Variants in SLC45A1 observed in about 807,000 individuals in gnomAD.
The protein encoded by SLC45A1 is proton-associated sugar transporter A.
In SLC45A1, 28 loss-of-function variants were observed where a neutral mutation model predicts 57.6. The observed-to-expected ratio is 0.49, with a 90% CI of 0.36 to 0.67. SLC45A1 has a LOEUF of 0.67. Ranked by LOEUF, SLC45A1 falls within the 30% of genes least tolerant of loss-of-function variation. SLC45A1 has a pLI of 0.00. For missense variants in SLC45A1, 814 were observed against 1,041.5 expected (o/e 0.78, Z 3.01); for synonymous variants, 459 against 471.5 (o/e 0.97, Z 0.34).
Position 8,326,536 on chromosome 1 carries a change from C to T in SLC45A1, c.715+494C>T, listed in dbSNP as rs72864248. Among the ~76,000 whole-genome samples the T allele has an allele frequency of 0.022, 3,293 of 152,270 alleles. 123 individuals are homozygous for T. The highest frequency in any genetic ancestry group is 0.076 in the African/African-American group (3,142 of 41,518). On this transcript the variant is annotated intron_variant, in intron 4 of 8. Coordinates refer to ENST00000471889, the MANE Select transcript of SLC45A1 (RefSeq NM_001080397.3). This position sits in a 1 kb window ranked among gnomAD's most constrained non-coding sequence, Gnocchi z 5.5. ...CGCTGCAACTCAAGCCTGAACGAAG[C>T]GTCACTGTCGCATGCATTTTCTGCA...
At chr1:8,337,051 G>A (rs1212342212) in intron 6 of SLC45A1, among the ~76,000 whole-genome samples, 1 of 152,174 alleles carries the variant, frequency 6.6e-6, no homozygotes, top group African/African-American at 2.4e-5. Context: ...CTGTTCTCAC[G>A]CTGCTAATAA....
intron 1 of SLC45A1, among the ~76,000 whole-genome samples, chr1:8,319,423 A>G (rs564879393): frequency 1.3e-5 from 2 of 152,332 alleles, no homozygotes; most frequent in African/African-American, 4.8e-5. Context: ...TTCAAACTAC[A>G]TTGACATTGA....
rs755290825 is a variant in SLC45A1 at position 8,339,475 on chromosome 1, C to T, written c.1775-18C>T. The stretch of plus-strand genomic sequence containing the variant: ...GCTCTGGCCGTGTGGCACTGCTCAC[C>T]CTCTCTGTGGCCCGCAGCTATCCTG... On this transcript the variant is annotated intron_variant, in intron 7 of 8. Coordinates refer to ENST00000471889, the MANE Select transcript of SLC45A1 (RefSeq NM_001080397.3). 7 of 1,613,622 alleles carry T rather than the reference C, an allele frequency of 4.3e-6. No individual in the cohort carries two copies. The highest frequency in any genetic ancestry group is 1.3e-5 in the African/African-American group (1 of 74,902).
intron 1 of SLC45A1, among the ~76,000 whole-genome samples, chr1:8,320,732 C>CA (rs1553149637): frequency 1.4e-4 from 19 of 131,916 alleles, no homozygotes; most frequent in African/African-American, 5.4e-4. Flanking sequence ...CACACACACA[C>CA]ACCTGCCATA....
intron 8 of SLC45A1, among the ~76,000 whole-genome samples, chr1:8,340,901 T>C (rs1041240682): frequency 6.6e-6 from 1 of 151,822 alleles, no homozygotes; most frequent in Admixed American, 6.6e-5. Flanking sequence ...AAATTAAGAG[T>C]AAGAGAGGGG....
Position 8,330,057 on chromosome 1 carries a change from G to C in SLC45A1, c.716-152G>C. 1.0e-6 allele frequency: 1 copy of C among 965,382 alleles called. No homozygotes were observed. The highest frequency in any genetic ancestry group is 1.5e-6 in the Non-Finnish European group (1 of 648,596). The allele number at this position is 965,382 out of a possible 1,614,324, so 59.8% of individuals were successfully genotyped here. A position where few individuals can be genotyped will look rare whatever the true frequency, so the allele number is the denominator to read the frequency against. Reference sequence around the variant, plus strand: ...TCAAGGGGCCCGCCCTGGGAATCCTGTCCCATTTTGTTGGGGTTTAGGTGG... The same window carrying C: ...TCAAGGGGCCCGCCCTGGGAATCCTCTCCCATTTTGTTGGGGTTTAGGTGG... On this transcript the variant is annotated intron_variant, in intron 4 of 8. Transcript: ENST00000471889. The surrounding 1 kb of genome is among the most constrained non-coding windows in gnomAD (Gnocchi z 8.4).
chr1:8,339,580 C>G lies in SLC45A1; in HGVS notation c.1862C>G (p.Ala621Gly), dbSNP rs1346538305. 6.2e-7 allele frequency: 1 copy of G among 1,614,120 alleles called. No homozygotes were observed. Among genetic ancestry groups the G allele is most frequent in the Non-Finnish European group, 8.5e-7 (1 of 1,180,036 alleles). The change falls in exon 8 of 9, where the codon GCC (alanine) becomes GGC (glycine). Residue 621 changes from alanine (A) to glycine (G), a missense_variant. Coordinates refer to ENST00000471889, the MANE Select transcript of SLC45A1 (RefSeq NM_001080397.3). The stretch of plus-strand genomic sequence containing the variant: ...GCCTTCGGCCTGGGGACCGGGCTTG[C>G]CACCCTCTCCAGGAACCTCTACGTG... Reference protein sequence around the residue: ...YLAFGLGTGLATLSRNLYVVL... With the variant: ...YLAFGLGTGLGTLSRNLYVVL...
intron 5 of SLC45A1, among the ~76,000 whole-genome samples, chr1:8,333,918 C>T (rs972262707): frequency 1.3e-5 from 2 of 152,210 alleles, no homozygotes; most frequent in Non-Finnish European, 2.9e-5. Flanking sequence ...AGCGAGCTCC[C>T]GTCTGGAAAG....
Position 8,343,811 on chromosome 1 carries a change from G to A in SLC45A1, c.2045G>A (p.Cys682Tyr). 6.2e-7 allele frequency: 1 copy of A among 1,614,170 alleles called. No individual in the cohort carries two copies. Among genetic ancestry groups the A allele is most frequent in the Non-Finnish European group, 8.5e-7 (1 of 1,180,024 alleles). Residue 682 changes from cysteine (C) to tyrosine (Y), a missense_variant, in exon 9 of 9, where the codon TGC becomes TAC. Coordinates refer to ENST00000471889, the MANE Select transcript of SLC45A1 (RefSeq NM_001080397.3). The surrounding 1 kb of genome is among the most constrained non-coding windows in gnomAD (Gnocchi z 7.7). The stretch of plus-strand genomic sequence containing the variant: ...GGCGTGGACATCTCTCTGCTGAGCT[G>A]CCAGTACTTCCTGGCTCAGATTCTG... ...GMGVDISLLS[C>Y]QYFLAQILVS...
chr1:8,329,861 G>T (rs1640326468), intron 4 of SLC45A1, among the ~76,000 whole-genome samples: 1 of 152,190 alleles, frequency 6.6e-6, no homozygotes, highest in African/African-American at 2.4e-5. Flanking sequence ...GGCCCTCGGA[G>T]GGAGGATGTG....
chr1:8,330,401 T>C lies in SLC45A1; in HGVS notation c.908T>C (p.Met303Thr), dbSNP rs1329804546. The stretch of plus-strand genomic sequence containing the variant: ...CCGCCGAGTGAGAAGCGGGCAGCCA[T>C]GAAGAGCCCCAGCCTCCCGCTGCCC... ...LRPPSEKRAA[M>T]KSPSLPLPPS... Residue 303 changes from methionine to threonine, a missense_variant, in exon 5 of 9, where the codon ATG becomes ACG. Transcript: ENST00000471889. This position sits in a 1 kb window ranked among gnomAD's most constrained non-coding sequence, Gnocchi z 8.4. The C allele has an allele frequency of 1.9e-6, 3 of 1,612,470 alleles. No homozygotes were observed. The African/African-American group carries it at 4.0e-5, about 22-fold the overall frequency.
Position 8,325,500 on chromosome 1 carries a change from C to T in SLC45A1, c.490+110C>T, listed in dbSNP as rs1047319566. 20 of 788,382 alleles carry T rather than the reference C, an allele frequency of 2.5e-5. No individual in the cohort carries two copies. In the African/African-American group the frequency reaches 3.0e-4, roughly 12 times the overall value. 48.8% of individuals were successfully genotyped at this position (788,382 alleles called of 1,614,324 possible). A position where few individuals can be genotyped will look rare whatever the true frequency, so the allele number is the denominator to read the frequency against. ...TTGACCAAAGCAGTTACCCAGATAG[C>T]TCTGGGCCCGCACTGGTGTGAGGCA... On this transcript the variant is annotated intron_variant, in intron 3 of 8. Coordinates refer to ENST00000471889, the MANE Select transcript of SLC45A1 (RefSeq NM_001080397.3). The surrounding 1 kb of genome is among the most constrained non-coding windows in gnomAD (Gnocchi z 6.3).
intron 1 of SLC45A1, among the ~76,000 whole-genome samples, chr1:8,322,159 T>A (rs1180677747): frequency 1.5e-4 from 2 of 12,938 alleles, no homozygotes; most frequent in South Asian, 3.1e-3. Context: ...GGGTCCATAG[T>A]TACATGGATG....
At chr1:8,320,143 C>T (rs1639955980) in intron 1 of SLC45A1, among the ~76,000 whole-genome samples, 1 of 152,196 alleles carries the variant, frequency 6.6e-6, no homozygotes, top group South Asian at 2.1e-4. Flanking sequence ...GTAAAGACTT[C>T]TTCTGAGCCA....
chr1:8,331,185 G>A (rs1640395313), intron 5 of SLC45A1, among the ~76,000 whole-genome samples: 2 of 152,072 alleles, frequency 1.3e-5, no homozygotes, highest in Admixed American at 1.3e-4. Flanking sequence ...AAACCAGCCT[G>A]GGCAACGTGG....
chr1:8,341,881 C>G (rs921015626), intron 8 of SLC45A1, among the ~76,000 whole-genome samples: 26 of 151,966 alleles, frequency 1.7e-4, no homozygotes, highest in African/African-American at 6.0e-4. Flanking sequence ...GATTGCACCA[C>G]TGCACTCCAG....
chr1:8,330,859 A>C lies in SLC45A1; in HGVS notation c.1366A>C (p.Thr456Pro). Reference sequence around the variant, plus strand: ...ATCAGGGATTCTGAAGAGACCTCAGACCTTGGCCATCCCGGACGCAGCCGG... The same window carrying C: ...ATCAGGGATTCTGAAGAGACCTCAGCCCTTGGCCATCCCGGACGCAGCCGG... ...RSSGILKRPQTLAIPDAAGGG... is the reference protein window; with the variant it reads ...RSSGILKRPQPLAIPDAAGGG... The change falls in exon 5 of 9, where the codon ACC becomes CCC. Residue 456 changes from threonine (T) to proline (P), a missense_variant. Coordinates refer to ENST00000471889, the MANE Select transcript of SLC45A1 (RefSeq NM_001080397.3). The surrounding 1 kb of genome is among the most constrained non-coding windows in gnomAD (Gnocchi z 8.4). The C allele has an allele frequency of 6.2e-7, 1 of 1,611,794 alleles. No homozygotes were observed. The highest frequency in any genetic ancestry group is 1.1e-5 in the South Asian group (1 of 91,072).
chr1:8,331,318 A>G (rs1176745821), intron 5 of SLC45A1, among the ~76,000 whole-genome samples: 563 of 127,604 alleles, frequency 4.4e-3, no homozygotes, highest in African/African-American at 0.015. Flanking sequence ...TTTTTAAAAA[A>G]CACTTTTAAA....
rs915084065 is a variant in SLC45A1 at position 8,326,721 on chromosome 1, G to A, written c.715+679G>A. 5.3e-5 allele frequency among the ~76,000 whole-genome samples: 8 copies of A among 152,216 alleles called. No individual in the cohort carries two copies. Among genetic ancestry groups the A allele is most frequent in the South Asian group, 2.1e-4 (1 of 4,832 alleles). ...CGGCCAGGCACAGTGGCTCATGCCTGTAATCCCAGCACTTTGGGAGGGTGA... is the reference window on the plus strand; with the variant it reads ...CGGCCAGGCACAGTGGCTCATGCCTATAATCCCAGCACTTTGGGAGGGTGA... On this transcript the variant is annotated intron_variant, in intron 4 of 8. Transcript: ENST00000471889. The surrounding 1 kb of genome is among the most constrained non-coding windows in gnomAD (Gnocchi z 5.5).
Sources: allele counts gnomAD v4.1 joint callset (sites outside exome capture counted in the v4.1 genomes callset), GRCh38; gene constraint gnomAD v4.1.1; non-coding constraint Gnocchi (gnomAD v3.1); transcripts MANE v1.5; gene names NCBI Gene and HGNC (gene_info 2026-07-23, HGNC 2026-07-21).